Variants in LCT observed in about 807,000 individuals in gnomAD.
LCT encodes lactase/phlorizin hydrolase.
Under a neutral mutation model 173.0 loss-of-function variants are expected in LCT, and 90 were observed. The ratio of observed to expected loss-of-function variants is 0.52; its 90% CI spans 0.44 to 0.62. The LOEUF (loss-of-function observed/expected upper bound fraction) is 0.62, where lower values mean the gene tolerates loss of function less well. Ranked by LOEUF, LCT falls within the 20% of genes least tolerant of loss-of-function variation. LCT has a pLI of 0.00. For missense variants in LCT, 1,864 were observed against 2,431.4 expected, an observed-to-expected ratio of 0.77 and a Z score of 4.91; for synonymous variants, 853 against 957.6, an observed-to-expected ratio of 0.89 and a Z score of 2.02.
At chr2:135,821,421 G>A (rs2077829525) in intron 5 of LCT, among the ~76,000 whole-genome samples, 1 of 152,136 alleles carries the variant, frequency 6.6e-6, no homozygotes, top group African/African-American at 2.4e-5. Context: ...TACTCATCAT[G>A]TAACTTCAGT....
intron 2 of LCT, among the ~76,000 whole-genome samples, chr2:135,830,198 A>G (rs1385905145): frequency 1.3e-5 from 2 of 152,112 alleles, no homozygotes; most frequent in Admixed American, 1.3e-4. Context: ...CCAGGCCAAG[A>G]GCTAGGGCCT....
At chr2:135,793,971 CAAAAA>C (rs34100426) in intron 14 of LCT, among the ~76,000 whole-genome samples, 2 of 124,232 alleles carry the variant, frequency 1.6e-5, no homozygotes, top group Non-Finnish European at 1.7e-5. Flanking sequence ...TGCTAAAATA[CAAAAA>C]AAAAAAAAAA....
intron 11 of LCT, among the ~76,000 whole-genome samples, chr2:135,801,440 C>A (rs2077627056): frequency 6.6e-6 from 1 of 152,034 alleles, no homozygotes; most frequent in Non-Finnish European, 1.5e-5. Flanking sequence ...CCAGGCCAGG[C>A]AGGGTGGCTC....
intron 5 of LCT, among the ~76,000 whole-genome samples, chr2:135,818,399 A>C (rs1422771517): frequency 1.3e-5 from 2 of 152,230 alleles, no homozygotes; most frequent in African/African-American, 2.4e-5. Context: ...TAATAATAAC[A>C]ATGACTCCAA....
chr2:135,808,783 G>A lies in LCT; in HGVS notation c.3564C>T (p.Ser1188=). The part of the protein sequence containing the change: ...LQHLATSRLP[S]FTEEEKRFIR... ...TGAACCTCTTCTCTTCCTCAGTGAAGCTTGGCAGGCGGGAGGTGGCTAAGT... is the reference window on the plus strand; with the variant it reads ...TGAACCTCTTCTCTTCCTCAGTGAAACTTGGCAGGCGGGAGGTGGCTAAGT... The change falls in exon 8 of 17, where the codon AGC becomes AGT. Residue 1188 remains serine (S), a synonymous_variant. Coordinates refer to ENST00000264162, the MANE Select transcript of LCT (RefSeq NM_002299.4). 6.2e-7 allele frequency: 1 copy of A among 1,613,672 alleles called. No individual in the cohort carries two copies.
intron 6 of LCT, among the ~76,000 whole-genome samples, chr2:135,816,488 G>A (rs2105541610): frequency 6.6e-6 from 1 of 152,332 alleles, no homozygotes; most frequent in South Asian, 2.1e-4. Flanking sequence ...TGGCTGCAAA[G>A]TAGCCCAAGA....
chr2:135,826,392 G>A (rs1295518532), intron 3 of LCT, among the ~76,000 whole-genome samples: 1 of 129,006 alleles, frequency 7.8e-6, no homozygotes, highest in Non-Finnish European at 1.6e-5. Context: ...CACTGTATCT[G>A]CTACAAATAC....
chr2:135,822,352 T>C, intron 4 of LCT: 1 of 467,426 alleles, frequency 2.1e-6, no homozygotes. Flanking sequence ...CACAGGTTGC[T>C]GGTCCCACCC....
At chr2:135,824,656 G>A (rs2077868690) in intron 3 of LCT, among the ~76,000 whole-genome samples, 1 of 152,192 alleles carries the variant, frequency 6.6e-6, no homozygotes, top group Non-Finnish European at 1.5e-5. Flanking sequence ...TGGCTTCGTA[G>A]GGGTTCATCA....
intron 11 of LCT, 141 bp downstream of exon 11, chr2:135,803,789 C>T (rs1018711779): frequency 2.7e-6 from 2 of 741,966 alleles, no homozygotes; most frequent in Admixed American, 2.1e-5. Flanking sequence ...AGGAGGGAAA[C>T]CTCTACAGCC....
At chr2:135,830,648 C>T (rs1449229073) in intron 2 of LCT, among the ~76,000 whole-genome samples, 1 of 152,222 alleles carries the variant, frequency 6.6e-6, no homozygotes, top group Non-Finnish European at 1.5e-5. Flanking sequence ...ATTGCAGCCT[C>T]AGGCATAAAT....
intron 14 of LCT, 192 bp downstream of exon 14, chr2:135,794,448 AC>A (rs2077561360): frequency 7.8e-6 from 5 of 639,726 alleles, no homozygotes; most frequent in Non-Finnish European, 1.1e-5. Context: ...TGCCCTGGAG[AC>A]CCCGGCCTTC....
intron 15 of LCT, 70 bp from the exon 16 acceptor site, chr2:135,789,868 A>C (rs2077520483): frequency 7.9e-7 from 1 of 1,271,782 alleles, no homozygotes; most frequent in Non-Finnish European, 1.2e-6. Context: ...GGCCTTCGGA[A>C]GCCAGGTCTG....
rs1176628549 is a variant in LCT at position 135,794,918 on chromosome 2, G to A, written c.4977-143C>T. 50 of 898,186 alleles carry A rather than the reference G, an allele frequency of 5.6e-5. No homozygotes were observed. The East Asian group carries it at 1.3e-3, about 23-fold the overall frequency. The allele number at this position is 898,186 out of a possible 1,614,324, so 55.6% of individuals were successfully genotyped here. A position where few individuals can be genotyped will look rare whatever the true frequency, so the allele number is the denominator to read the frequency against. On this transcript the variant is annotated intron_variant, in intron 13 of 16. Transcript: ENST00000264162. Reference sequence around the variant, plus strand: ...GGGAAACTGGCAGGGAAGGAGAAGAGGTCCTTCAGGCGGTGCAGGAAGCAC... The same window carrying A: ...GGGAAACTGGCAGGGAAGGAGAAGAAGTCCTTCAGGCGGTGCAGGAAGCAC...
At chr2:135,797,223 C>T (rs1186981828) in intron 13 of LCT, among the ~76,000 whole-genome samples, 1 of 152,194 alleles carries the variant, frequency 6.6e-6, no homozygotes, top group Non-Finnish European at 1.5e-5. Context: ...GCTGGGATTA[C>T]AGGTGTGAGC....
rs746281788 is a variant in LCT at position 135,836,698 on chromosome 2, C to A, written c.472G>T (p.Ala158Ser). The A allele has an allele frequency of 1.2e-6, 2 of 1,613,966 alleles. No homozygotes were observed. The highest frequency in any genetic ancestry group is 1.7e-5 in the Admixed American group (1 of 59,994). ...ADLFADYATF[A>S]FHSFGDLVGI... The stretch of plus-strand genomic sequence containing the variant: ...ACTAGGTCCCCGAAGGAGTGGAAGG[C>A]GAATGTGGCATAGTCGGCGAAGAGG... The change falls in exon 1 of 17, where the codon GCC becomes TCC. Residue 158 changes from alanine to serine, a missense_variant. Ala to Ser is a moderately conservative substitution (Grantham distance 99, BLOSUM62 1). This residue lies in a region of LCT where 412 missense variants were observed against 462.0 expected (regional missense o/e 0.89). Coordinates refer to ENST00000264162, the MANE Select transcript of LCT (RefSeq NM_002299.4).
intron 12 of LCT, 103 bp downstream of exon 12, chr2:135,800,504 C>T: frequency 1.0e-6 from 1 of 993,382 alleles, no homozygotes; most frequent in Non-Finnish European, 1.6e-6. Context: ...GGATTATAGA[C>T]ATGAGCCACC....
chr2:135,803,437 C>T (rs1446154679), intron 11 of LCT, among the ~76,000 whole-genome samples: 2 of 152,238 alleles, frequency 1.3e-5, no homozygotes, highest in Non-Finnish European at 2.9e-5. Flanking sequence ...ACAGCTAGCT[C>T]TCCATAGTCA....
intron 14 of LCT, among the ~76,000 whole-genome samples, chr2:135,792,486 T>C (rs1329276082): frequency 1.3e-5 from 2 of 152,190 alleles, no homozygotes; most frequent in Admixed American, 1.3e-4. Flanking sequence ...CTGAAAGCCC[T>C]GTTTGCTTTC....
Sources: gnomAD v4.1 joint callset for allele counts (sites outside exome capture counted in the v4.1 genomes callset) on GRCh38, gnomAD v4.1.1 for gene constraint, gnomAD v4.1.1 regional missense constraint, MANE v1.5 for transcripts, NCBI Gene and HGNC (gene_info 2026-07-23, HGNC 2026-07-21) for gene names.